The following MYH11 variants were observed in gnomAD, a reference collection of about 807,000 sequenced individuals.
The protein encoded by MYH11 is myosin-11.
In MYH11, 80 loss-of-function variants were observed where a neutral mutation model predicts 246.6. The observed-to-expected ratio is 0.32, with a 90% CI of 0.27 to 0.39. The LOEUF (loss-of-function observed/expected upper bound fraction) is 0.39, where lower values mean the gene tolerates loss of function less well. Ranked by LOEUF, MYH11 falls within the 10% of genes least tolerant of loss-of-function variation. The pLI is 1.00. For synonymous variants in MYH11, 1,071 were observed against 1,015.5 expected (o/e 1.05, Z -1.04); for missense variants, 2,158 against 2,546.8 (o/e 0.85, Z 3.29).
At chr16:15,763,741 T>TCCGGCC in intron 10 of MYH11, 55 bp downstream of exon 10, 13 of 646,852 alleles carry the variant, frequency 2.0e-5, no homozygotes, top group Non-Finnish European at 2.6e-5. Context: ...AAATGTCACC[T>TCCGGCC]CCCCCACCCC....
chr16:15,740,373 C>T (rs955341674), intron 22 of MYH11, among the ~76,000 whole-genome samples, 185 bp from the exon 23 acceptor site: 1 of 151,796 alleles, frequency 6.6e-6, no homozygotes, highest in Non-Finnish European at 1.5e-5. Context: ...TTTTGGAGGC[C>T]GAGGTGGGTG....
intron 31 of MYH11, among the ~76,000 whole-genome samples, chr16:15,723,862 T>C (rs746800262): frequency 2.7e-4 from 41 of 152,206 alleles, no homozygotes; most frequent in Non-Finnish European, 2.2e-4. Context: ...AGTGAATAAA[T>C]AAGCACCTCA....
rs1596739236 is a variant in MYH11 at position 15,727,185 on chromosome 16, G to A, written c.3652-131C>T. On this transcript the variant is annotated intron_variant, in intron 27 of 40. Transcript: ENST00000300036. ...AGGGGGCACACAATCACCAGTAAGA[G>A]ATTTGGGGTTTTTTTGTTGTTATTT... 3 of 783,036 alleles carry A rather than the reference G, an allele frequency of 3.8e-6. No homozygotes were observed. The East Asian group carries it at 7.4e-5, about 19-fold the overall frequency. 48.5% of individuals were successfully genotyped at this position (783,036 alleles called of 1,614,324 possible). A position where few individuals can be genotyped will look rare whatever the true frequency, so the allele number is the denominator to read the frequency against.
intron 8 of MYH11, among the ~76,000 whole-genome samples, chr16:15,772,087 C>A (rs983634484): frequency 1.9e-5 from 2 of 105,968 alleles, no homozygotes; most frequent in African/African-American, 6.7e-5. Context: ...AACCTTTACT[C>A]TTTTTTTTTT....
rs2041010069 is a variant in MYH11, at chr16:15,732,933, G to A, written c.3507-225C>T. ...CCTGCCTAGGACATCTGTAATGACT[G>A]GCAAACAAATACACAAAGTAATAGA... is the stretch of plus-strand genomic sequence containing the variant. On this transcript the variant is annotated intron_variant, in intron 26 of 40. Transcript: ENST00000300036. 3 of 598,922 alleles carry A rather than the reference G, an allele frequency of 5.0e-6. No individual in the cohort carries two copies. In the East Asian group the frequency reaches 8.4e-5, roughly 17 times the overall value. 37.1% of individuals were successfully genotyped at this position (598,922 alleles called of 1,614,324 possible). A position where few individuals can be genotyped will look rare whatever the true frequency, so the allele number is the denominator to read the frequency against.
Position 15,718,648 on chromosome 16 carries a change from T to G in MYH11, c.5172-210A>C. 8.9e-6 allele frequency: 6 copies of G among 676,916 alleles called. No individual in the cohort carries two copies. In the South Asian group the frequency reaches 1.2e-4, roughly 13 times the overall value. The allele number at this position is 676,916 out of a possible 1,614,324, so 41.9% of individuals were successfully genotyped here. ...GGGTCCGTGTCAGCAAAGCTGGGAT[T>G]GGGATGGGGACCAGCACACTCCTCC... On this transcript the variant is annotated intron_variant, in intron 36 of 40. Transcript: ENST00000300036.
chr16:15,737,648 AG>A, intron 24 of MYH11, 28 bp from the exon 25 acceptor site: 1 of 1,607,768 alleles, frequency 6.2e-7, no homozygotes. Flanking sequence ...CTCTTCAGGA[AG>A]GGGAGGCCCC....
At chr16:15,805,845 G>A (rs1280627718) in intron 3 of MYH11, among the ~76,000 whole-genome samples, 2 of 152,186 alleles carry the variant, frequency 1.3e-5, no homozygotes, top group Non-Finnish European at 2.9e-5. Context: ...GAGCCCAGGA[G>A]GTGGAGGTTG....
intron 32 of MYH11, 55 bp from the exon 33 acceptor site, chr16:15,721,106 T>C: frequency 1.3e-6 from 2 of 1,589,254 alleles, no homozygotes; most frequent in Non-Finnish European, 1.7e-6. Flanking sequence ...TGAAGACGAT[T>C]GAGAAACCCA....
At chr16:15,730,184 C>T (rs1003495275) in intron 27 of MYH11, among the ~76,000 whole-genome samples, 1 of 152,004 alleles carries the variant, frequency 6.6e-6, no homozygotes, top group Non-Finnish European at 1.5e-5. Flanking sequence ...AGCTGCTATG[C>T]TTTCTGTACA....
At chr16:15,742,280 T>A (rs77698208) in intron 20 of MYH11, 4,041 of 286,992 alleles carry the variant, frequency 0.014, 56 homozygotes, top group East Asian at 0.03. Context: ...AAGTGATATT[T>A]CCTTCCAAGG....
At chr16:15,795,303 TCAA>T (rs1387372283) in intron 4 of MYH11, among the ~76,000 whole-genome samples, 4 of 144,968 alleles carry the variant, frequency 2.8e-5, no homozygotes, top group African/African-American at 1.0e-4. Context: ...AACAAAAAAA[TCAA>T]CAACAACAAC....
At chr16:15,704,174 G>A (rs1243595578) in intron 40 of MYH11, 51 bp from the exon 41 acceptor site, 1 of 1,607,148 alleles carries the variant, frequency 6.2e-7, no homozygotes, top group African/African-American at 1.3e-5. Flanking sequence ...TTCATGGTTG[G>A]GATAGATTTT....
At chr16:15,708,617 C>G (rs1223799116) in intron 40 of MYH11, among the ~76,000 whole-genome samples, 1 of 152,180 alleles carries the variant, frequency 6.6e-6, no homozygotes, top group Non-Finnish European at 1.5e-5. Context: ...GAGATGAGGT[C>G]TATTTGTCAT....
intron 1 of MYH11, among the ~76,000 whole-genome samples, chr16:15,847,181 A>G (rs2044212136): frequency 1.3e-5 from 2 of 151,790 alleles, no homozygotes; most frequent in South Asian, 4.2e-4. Context: ...GTAGCCAATT[A>G]CATCCCAAGA....
Position 15,760,579 on chromosome 16 carries a change from A to G in MYH11, c.1209T>C (p.Val403=). 1 of 1,614,180 alleles carries G rather than the reference A, an allele frequency of 6.2e-7. No homozygotes were observed. Among genetic ancestry groups the G allele is most frequent in the Non-Finnish European group, 8.5e-7 (1 of 1,179,986 alleles). Residue 403 remains valine, a synonymous_variant, in exon 11 of 41, where the codon GTT becomes GTC. Transcript: ENST00000300036. ...GAGCTTTCTGTACCACATCTCGCCC[A>G]ACCTTGATACGAGGAGTGAGGATGG... is the stretch of plus-strand genomic sequence containing the variant. ...TRSILTPRIK[V]GRDVVQKAQT...
chr16:15,713,437 T>C (rs1184330001), intron 40 of MYH11: 2 of 152,026 alleles, frequency 1.3e-5, no homozygotes, highest in Non-Finnish European at 2.9e-5. Context: ...AGTGAGAAGA[T>C]GAGGGAGGGG....
intron 9 of MYH11, among the ~76,000 whole-genome samples, chr16:15,768,238 G>A (rs779279772): frequency 1.6e-4 from 24 of 152,306 alleles, no homozygotes; most frequent in Middle Eastern, 3.4e-3. Context: ...TCAGACATGT[G>A]TACCACCAGG....
intron 36 of MYH11, chr16:15,718,690 T>C: frequency 1.7e-6 from 1 of 571,840 alleles, no homozygotes; most frequent in Non-Finnish European, 3.1e-6. Flanking sequence ...CTTCCTGGCC[T>C]CCCCTTCTCC....
Sources: gnomAD v4.1 joint callset for allele counts (sites outside exome capture counted in the v4.1 genomes callset) on GRCh38, gnomAD v4.1.1 for gene constraint, MANE v1.5 for transcripts, NCBI Gene and HGNC (gene_info 2026-07-23, HGNC 2026-07-21) for gene names.